Variants in BMPR1A observed in about 807,000 individuals in gnomAD.
BMPR1A encodes the protein bone morphogenetic protein receptor type-1A.
Under a neutral mutation model 66.0 loss-of-function variants are expected in BMPR1A, and 7 were observed. The observed-to-expected ratio is 0.11, with a 90% CI of 0.06 to 0.20. BMPR1A has a LOEUF of 0.20. BMPR1A is among the 10% of genes least tolerant of loss of function. BMPR1A has a pLI of 1.00. For synonymous variants in BMPR1A, 200 were observed against 229.7 expected (o/e 0.87, Z 1.17); for missense variants, 408 against 669.1 (o/e 0.61, Z 4.31).
intron 1 of BMPR1A, among the ~76,000 whole-genome samples, chr10:86,831,550 A>G (rs1564697863): frequency 6.6e-6 from 1 of 152,150 alleles, no homozygotes; most frequent in Non-Finnish European, 1.5e-5. Flanking sequence ...GAGCCCAGGA[A>G]TTTGAGACCT....
chr10:86,915,713 C>G (rs960217241), intron 8 of BMPR1A, among the ~76,000 whole-genome samples: 3 of 152,014 alleles, frequency 2.0e-5, no homozygotes, highest in Non-Finnish European at 4.4e-5. Flanking sequence ...AGCAACGGAG[C>G]GAGACTCTGT....
chr10:86,766,003 T>TTTTTTTTTTTTTGG (rs1216917042), intron 1 of BMPR1A, among the ~76,000 whole-genome samples: 1 of 150,960 alleles, frequency 6.6e-6, no homozygotes, highest in Non-Finnish European at 1.5e-5. Flanking sequence ...TTTTTTTTTT[T>TTTTTTTTTTTTTGG]GAGGGAAGGT....
chr10:86,851,365 T>C (rs2883420), intron 2 of BMPR1A, among the ~76,000 whole-genome samples: 78,967 of 152,070 alleles, frequency 0.52, 22,679 homozygotes, highest in East Asian at 0.78. Context: ...TATTCCTTTG[T>C]TTAGAAATGT....
chr10:86,905,124 A>G (rs142449266), intron 7 of BMPR1A, among the ~76,000 whole-genome samples: 1 of 152,108 alleles, frequency 6.6e-6, no homozygotes, highest in Non-Finnish European at 1.5e-5. Flanking sequence ...TTCTGATGTG[A>G]TCGTTTTCCT....
intron 1 of BMPR1A, among the ~76,000 whole-genome samples, chr10:86,779,411 T>C (rs948282043): frequency 2.6e-5 from 4 of 152,220 alleles, no homozygotes; most frequent in Non-Finnish European, 5.9e-5. Flanking sequence ...ACTTTTTAAA[T>C]TGAATTGTTT....
chr10:86,862,097 A>G (rs1842719841), intron 2 of BMPR1A, among the ~76,000 whole-genome samples: 1 of 152,246 alleles, frequency 6.6e-6, no homozygotes, highest in Non-Finnish European at 1.5e-5. Context: ...CTCATGGAGC[A>G]TATATTCTAG....
rs1458758869 is a variant in BMPR1A at position 86,926,701 on chromosome 10, T to C, written c.*2982T>C. 1 of 183,052 alleles carries C rather than the reference T, an allele frequency of 5.5e-6. No individual in the cohort carries two copies. The highest frequency in any genetic ancestry group is 1.2e-5 in the Non-Finnish European group (1 of 86,092). 11.3% of individuals were successfully genotyped at this position (183,052 alleles called of 1,614,324 possible). A position where few individuals can be genotyped will look rare whatever the true frequency, so the allele number is the denominator to read the frequency against. On this transcript the variant is annotated 3_prime_UTR_variant, in exon 13 of 13. Transcript: ENST00000372037. Reference sequence around the variant, plus strand: ...CCATAGTTAGTAAATTCGTAAAACCTTGGAAGCCATTATTTGGTCCCACTT... The same window carrying C: ...CCATAGTTAGTAAATTCGTAAAACCCTGGAAGCCATTATTTGGTCCCACTT...
chr10:86,872,601 G>A (rs183842750), intron 2 of BMPR1A, among the ~76,000 whole-genome samples: 1 of 151,872 alleles, frequency 6.6e-6, no homozygotes, highest in African/African-American at 2.4e-5. Flanking sequence ...GTTAATATGT[G>A]TTAGCTATTA....
chr10:86,852,249 A>G (rs1200983488), intron 2 of BMPR1A, among the ~76,000 whole-genome samples: 1 of 152,224 alleles, frequency 6.6e-6, no homozygotes, highest in African/African-American at 2.4e-5. Flanking sequence ...GAAAGCATGT[A>G]GGAAGTGAAT....
At chr10:86,903,133 TA>T (rs1368891006) in intron 7 of BMPR1A, among the ~76,000 whole-genome samples, 1 of 152,002 alleles carries the variant, frequency 6.6e-6, no homozygotes, top group African/African-American at 2.4e-5. Context: ...TCCAACAAGG[TA>T]AAATTCACAA....
At chr10:86,758,082 A>C (rs895136463) in intron 1 of BMPR1A, among the ~76,000 whole-genome samples, 2 of 152,216 alleles carry the variant, frequency 1.3e-5, no homozygotes, top group Non-Finnish European at 2.9e-5. Flanking sequence ...TGTGAACCAG[A>C]ATTATTTAGA....
chr10:86,808,352 C>G (rs1841921227), intron 1 of BMPR1A, among the ~76,000 whole-genome samples: 1 of 151,968 alleles, frequency 6.6e-6, no homozygotes, highest in African/African-American at 2.4e-5. Context: ...TTTCAAAGAA[C>G]CAGCTTTTAG....
intron 1 of BMPR1A, among the ~76,000 whole-genome samples, chr10:86,807,928 G>A (rs759501957): frequency 1.2e-4 from 19 of 152,102 alleles, no homozygotes; most frequent in Middle Eastern, 3.4e-3. Flanking sequence ...CTCCATGCCC[G>A]GCTAATTTTT....
intron 1 of BMPR1A, among the ~76,000 whole-genome samples, chr10:86,838,059 GC>G (rs1842376938): frequency 6.6e-6 from 1 of 152,166 alleles, no homozygotes; most frequent in Non-Finnish European, 1.5e-5. Context: ...AGAATACTTT[GC>G]TATTTGAAGT....
intron 8 of BMPR1A, among the ~76,000 whole-genome samples, chr10:86,914,269 A>G (rs1178216087): frequency 6.6e-6 from 1 of 152,242 alleles, no homozygotes; most frequent in Non-Finnish European, 1.5e-5. Context: ...CTTGAAATGT[A>G]GCATAGACCT....
At chr10:86,812,063 GA>G (rs111415887) in intron 1 of BMPR1A, among the ~76,000 whole-genome samples, 406 of 137,324 alleles carry the variant, frequency 3.0e-3, no homozygotes, top group African/African-American at 4.7e-3. Context: ...GGGCAAAAAA[GA>G]AAAAAAAAAA....
At chr10:86,923,042 A>C (rs942877692) in intron 11 of BMPR1A, among the ~76,000 whole-genome samples, 1 of 152,236 alleles carries the variant, frequency 6.6e-6, no homozygotes, top group East Asian at 1.9e-4. Flanking sequence ...AATAAAAACT[A>C]TTCATTAGTA....
At chr10:86,873,081 C>A (rs1842872915) in intron 2 of BMPR1A, among the ~76,000 whole-genome samples, 1 of 152,164 alleles carries the variant, frequency 6.6e-6, no homozygotes, top group African/African-American at 2.4e-5. Context: ...AGTCTCACGG[C>A]CAGCCAGCTC....
At chr10:86,787,888 C>CG (rs1461261730) in intron 1 of BMPR1A, among the ~76,000 whole-genome samples, 1 of 151,866 alleles carries the variant, frequency 6.6e-6, no homozygotes, top group Non-Finnish European at 1.5e-5. Flanking sequence ...ATCTGCCCCC[C>CG]CCCATAATCC....
Sources: gnomAD v4.1 joint callset for allele counts (sites outside exome capture counted in the v4.1 genomes callset) on GRCh38, gnomAD v4.1.1 for gene constraint, MANE v1.5 for transcripts, NCBI Gene and HGNC (gene_info 2026-07-23, HGNC 2026-07-21) for gene names.